The following SOX5 variants were observed in gnomAD, a reference collection of about 807,000 sequenced individuals.
SOX5 encodes the protein SRY-box transcription factor 5.
In SOX5, 9 loss-of-function variants were observed where a neutral mutation model predicts 92.0. The observed-to-expected ratio is 0.10, with a 90% CI of 0.06 to 0.17. The LOEUF (loss-of-function observed/expected upper bound fraction) is 0.17, where lower values mean the gene tolerates loss of function less well. Ranked by LOEUF, SOX5 falls within the 10% of genes least tolerant of loss-of-function variation. The pLI is 1.00. For synonymous variants in SOX5, 344 were observed against 336.3 expected (o/e 1.02, Z -0.25); for missense variants, 642 against 944.5 (o/e 0.68, Z 4.20).
chr12:24,040,512 A>G (rs1005644825), intron 4 of SOX5, among the ~76,000 whole-genome samples: 12 of 152,372 alleles, frequency 7.9e-5, no homozygotes, highest in African/African-American at 2.9e-4. Flanking sequence ...TGAAAAATAG[A>G]AATGTTTCAA....
At chr12:24,233,367 T>C (rs988674267) in intron 3 of SOX5, among the ~76,000 whole-genome samples, 1 of 150,928 alleles carries the variant, frequency 6.6e-6, no homozygotes, top group Non-Finnish European at 1.5e-5. Context: ...ACGAAACAAA[T>C]ATAAAGAAAA....
At chr12:24,184,381 C>A (rs1328361307) in intron 4 of SOX5, among the ~76,000 whole-genome samples, 1 of 152,088 alleles carries the variant, frequency 6.6e-6, no homozygotes, top group Non-Finnish European at 1.5e-5. Flanking sequence ...AAAATGATTA[C>A]ATTTAAATCA....
chr12:23,593,677 T>C (rs958533168), intron 9 of SOX5, among the ~76,000 whole-genome samples: 2 of 152,180 alleles, frequency 1.3e-5, no homozygotes, highest in African/African-American at 4.8e-5. Context: ...CATGTTTAAA[T>C]AAATGATATA....
chr12:24,489,809 C>T (rs1946873345), intron 1 of SOX5, among the ~76,000 whole-genome samples: 1 of 152,196 alleles, frequency 6.6e-6, no homozygotes, highest in Non-Finnish European at 1.5e-5. Flanking sequence ...CTGATGGCTA[C>T]AAAGGGGTGT....
intron 4 of SOX5, among the ~76,000 whole-genome samples, chr12:24,089,666 G>A (rs1328588904): frequency 6.6e-6 from 1 of 152,140 alleles, no homozygotes; most frequent in East Asian, 1.9e-4. Flanking sequence ...ATGACAAAGA[G>A]CAGAAAGACT....
chr12:23,658,592 C>T (rs1434396011), intron 7 of SOX5, among the ~76,000 whole-genome samples: 1 of 152,100 alleles, frequency 6.6e-6, no homozygotes, highest in Non-Finnish European at 1.5e-5. Context: ...ATAATTCTAA[C>T]ACAAAAAATA....
chr12:23,544,570 C>T lies in SOX5; in HGVS notation c.1598-1186G>A, dbSNP rs556245009. 3.3e-5 allele frequency among the ~76,000 whole-genome samples: 5 copies of T among 152,270 alleles called. No individual in the cohort carries two copies. The East Asian group carries it at 9.7e-4, about 29-fold the overall frequency. On this transcript the variant is annotated intron_variant, in intron 12 of 14. Transcript: ENST00000451604. The stretch of plus-strand genomic sequence containing the variant: ...TGCCCAAACTTGAAGACCTCTATAG[C>T]AGCACATTCAAAACATAGCATACCT...
chr12:23,967,998 T>C (rs1947790509), intron 4 of SOX5, among the ~76,000 whole-genome samples: 1 of 152,212 alleles, frequency 6.6e-6, no homozygotes, highest in African/African-American at 2.4e-5. Context: ...GTAGCTCTTC[T>C]ACCAACCCTT....
At chr12:24,442,151 A>T (rs1596677672) in intron 1 of SOX5, among the ~76,000 whole-genome samples, 2 of 152,222 alleles carry the variant, frequency 1.3e-5, no homozygotes, top group East Asian at 3.8e-4. Context: ...AAACAATGTG[A>T]ACTTCTGAGA....
chr12:24,141,699 T>C (rs1232762025), intron 4 of SOX5, among the ~76,000 whole-genome samples: 1 of 135,712 alleles, frequency 7.4e-6, no homozygotes, highest in Non-Finnish European at 1.6e-5. Flanking sequence ...ATGCTATAAA[T>C]TGGTTTATTA....
chr12:24,073,006 C>T (rs995995834), intron 4 of SOX5, among the ~76,000 whole-genome samples: 1 of 151,986 alleles, frequency 6.6e-6, no homozygotes, highest in African/African-American at 2.4e-5. Flanking sequence ...AAATGGATAC[C>T]TCAAAGAAAA....
intron 1 of SOX5, among the ~76,000 whole-genome samples, chr12:24,412,046 T>C (rs1272568211): frequency 1.3e-5 from 2 of 152,192 alleles, no homozygotes; most frequent in East Asian, 3.8e-4. Flanking sequence ...AAGTTGTGAA[T>C]TTATGTGTGT....
intron 2 of SOX5, among the ~76,000 whole-genome samples, chr12:23,873,872 T>A (rs2096900318): frequency 6.6e-6 from 1 of 152,154 alleles, no homozygotes; most frequent in African/African-American, 2.4e-5. Context: ...GCTATAAATA[T>A]TTACCTTCTT....
At chr12:23,753,803 C>T (rs1239231967) in intron 4 of SOX5, among the ~76,000 whole-genome samples, 1 of 151,746 alleles carries the variant, frequency 6.6e-6, no homozygotes, top group Non-Finnish European at 1.5e-5. Context: ...GGGCAACACA[C>T]TATTGTATCC....
chr12:24,252,011 TAA>T (rs983690980), intron 3 of SOX5, among the ~76,000 whole-genome samples: 2 of 152,076 alleles, frequency 1.3e-5, no homozygotes, highest in Non-Finnish European at 2.9e-5. Flanking sequence ...TTTGCCAGCT[TAA>T]GTTTAATATT....
intron 11 of SOX5, among the ~76,000 whole-genome samples, chr12:23,557,692 T>C (rs1048724046): frequency 1.3e-5 from 2 of 152,126 alleles, no homozygotes; most frequent in African/African-American, 4.8e-5. Context: ...AACCTGGACA[T>C]GGGCCAGGCA....
chr12:23,925,566 T>C (rs2139008884), intron 1 of SOX5, among the ~76,000 whole-genome samples: 1 of 152,206 alleles, frequency 6.6e-6, no homozygotes, highest in Admixed American at 6.5e-5. Context: ...ATGTAAATGG[T>C]GACTAGTAAT....
At chr12:24,197,277 G>T (rs550275393) in intron 4 of SOX5, among the ~76,000 whole-genome samples, 2 of 152,214 alleles carry the variant, frequency 1.3e-5, no homozygotes, top group Middle Eastern at 3.4e-3. Context: ...AAAATATTCC[G>T]TCAGAAGATG....
At chr12:24,313,417 C>A (rs1450491726) in intron 2 of SOX5, among the ~76,000 whole-genome samples, 2 of 152,100 alleles carry the variant, frequency 1.3e-5, no homozygotes, top group East Asian at 1.9e-4. Flanking sequence ...GTATTCCCAG[C>A]TACTCAGAAG....
Sources: gnomAD v4.1 joint callset for allele counts (sites outside exome capture counted in the v4.1 genomes callset) on GRCh38, gnomAD v4.1.1 for gene constraint, MANE v1.5 for transcripts, NCBI Gene and HGNC (gene_info 2026-07-23, HGNC 2026-07-21) for gene names.